Variants in GMDS observed in about 807,000 individuals in gnomAD.
GMDS encodes the protein GDP-mannose 4,6-dehydratase, also known as GDP-mannose 4,6 dehydratase.
Under a neutral mutation model 49.9 loss-of-function variants are expected in GMDS, and 20 were observed. The observed-to-expected ratio is 0.40, with a 90% CI of 0.28 to 0.58. The LOEUF (loss-of-function observed/expected upper bound fraction) is 0.58, where lower values mean the gene tolerates loss of function less well. Among genes scored for constraint, GMDS ranks in the 20% least tolerant of loss-of-function variants. The pLI, the probability that GMDS is intolerant of heterozygous loss-of-function variation, is 0.42. For synonymous variants in GMDS, 177 were observed against 178.6 expected (o/e 0.99, Z 0.07); for missense variants, 362 against 481.4 (o/e 0.75, Z 2.32).
chr6:1,999,974 ATATATATTTTATATATAT>A (rs1766613920), intron 4 of GMDS, among the ~76,000 whole-genome samples: 2 of 27,890 alleles, frequency 7.2e-5, no homozygotes, highest in Non-Finnish European at 1.3e-4. Flanking sequence ...TATATATTAT[ATATATATTTTATATATAT>A]ATATTATATA....
At chr6:2,172,458 C>T (rs1408701572) in intron 1 of GMDS, among the ~76,000 whole-genome samples, 5 of 152,012 alleles carry the variant, frequency 3.3e-5, no homozygotes, top group Admixed American at 6.6e-5. Flanking sequence ...TTTGGGAGGC[C>T]GAGGCAGGTG....
chr6:2,102,399 T>TA (rs34199576), intron 4 of GMDS, among the ~76,000 whole-genome samples: 4 of 152,158 alleles, frequency 2.6e-5, no homozygotes, highest in Admixed American at 2.6e-4. Flanking sequence ...TGCTGGTTTT[T>TA]AAAAAAAGTT....
chr6:2,115,998 T>C, intron 3 of GMDS, 118 bp from the exon 4 acceptor site: 1 of 670,004 alleles, frequency 1.5e-6, no homozygotes, highest in East Asian at 2.6e-5. Flanking sequence ...AAAATGGAAA[T>C]GCTGTACTGA....
chr6:2,032,634 T>G (rs982809868), intron 4 of GMDS, among the ~76,000 whole-genome samples: 21 of 152,166 alleles, frequency 1.4e-4, no homozygotes, highest in Non-Finnish European at 1.5e-5. Context: ...AACAAAGATG[T>G]CGGCCCTTAG....
chr6:2,070,220 A>G (rs1007934194), intron 4 of GMDS, among the ~76,000 whole-genome samples: 1 of 146,072 alleles, frequency 6.8e-6, no homozygotes, highest in African/African-American at 2.5e-5. Flanking sequence ...TTGAACAATG[A>G]GAACACATGG....
chr6:1,748,282 T>C (rs1400738771), intron 7 of GMDS, among the ~76,000 whole-genome samples: 2 of 152,194 alleles, frequency 1.3e-5, no homozygotes, highest in African/African-American at 4.8e-5. Flanking sequence ...ATTTATTTCT[T>C]CTATTTATCT....
At chr6:1,994,199 T>G (rs1355500429) in intron 4 of GMDS, among the ~76,000 whole-genome samples, 1 of 152,240 alleles carries the variant, frequency 6.6e-6, no homozygotes, top group Non-Finnish European at 1.5e-5. Context: ...ATTTTCTTGT[T>G]CTTTTTATGC....
chr6:1,675,546 C>T (rs1581443538), intron 9 of GMDS, among the ~76,000 whole-genome samples: 2 of 152,092 alleles, frequency 1.3e-5, no homozygotes, highest in East Asian at 3.9e-4. Context: ...CATCTAGTTT[C>T]TCACCATCAA....
chr6:1,625,866 G>A (rs1341429422), intron 9 of GMDS, among the ~76,000 whole-genome samples: 1 of 152,182 alleles, frequency 6.6e-6, no homozygotes, highest in African/African-American at 2.4e-5. Context: ...CGCAAAGGCC[G>A]TACGAAAATA....
At chr6:1,696,668 CA>C (rs1040758601) in intron 9 of GMDS, among the ~76,000 whole-genome samples, 27 of 152,194 alleles carry the variant, frequency 1.8e-4, no homozygotes, top group African/African-American at 6.0e-4. Context: ...AAGTGAGGCT[CA>C]GAGGGGTTAA....
intron 4 of GMDS, among the ~76,000 whole-genome samples, chr6:1,977,594 A>G (rs1764980521): frequency 6.6e-6 from 1 of 152,168 alleles, no homozygotes; most frequent in Non-Finnish European, 1.5e-5. Flanking sequence ...GACTAGGAAA[A>G]CAACTCAACC....
intron 9 of GMDS, among the ~76,000 whole-genome samples, chr6:1,703,619 C>T (rs1765619852): frequency 6.6e-6 from 1 of 152,256 alleles, no homozygotes. Flanking sequence ...GGCCACTGTG[C>T]CTGGATGCGC....
chr6:1,924,549 T>C (rs1761896115), intron 7 of GMDS, among the ~76,000 whole-genome samples: 1 of 152,204 alleles, frequency 6.6e-6, no homozygotes, highest in African/African-American at 2.4e-5. Flanking sequence ...ATTTAGCTTA[T>C]CAGTCAATAT....
chr6:2,127,164 C>T (rs1158313938), intron 1 of GMDS, among the ~76,000 whole-genome samples: 2 of 152,058 alleles, frequency 1.3e-5, no homozygotes. Context: ...TACACAACCA[C>T]TGAAAATGTT....
intron 4 of GMDS, among the ~76,000 whole-genome samples, chr6:2,091,722 C>T (rs1289379145): frequency 6.6e-6 from 1 of 152,052 alleles, no homozygotes; most frequent in Non-Finnish European, 1.5e-5. Flanking sequence ...CCAGCCTGGA[C>T]ATCTCTGCAA....
intron 1 of GMDS, chr6:2,175,908 T>A: frequency 3.4e-6 from 4 of 1,190,098 alleles, no homozygotes; most frequent in Non-Finnish European, 4.8e-6. Flanking sequence ...AGCCCCATTT[T>A]ATAAGGTAAT....
chr6:1,908,664 A>T (rs1416754762), intron 7 of GMDS, among the ~76,000 whole-genome samples: 2 of 152,144 alleles, frequency 1.3e-5, no homozygotes, highest in Non-Finnish European at 2.9e-5. Flanking sequence ...TCAGACACAC[A>T]CATGGCACCA....
At chr6:1,788,863 T>G (rs567329359) in intron 7 of GMDS, among the ~76,000 whole-genome samples, 1 of 152,328 alleles carries the variant, frequency 6.6e-6, no homozygotes, top group South Asian at 2.1e-4. Context: ...TGCAAAGCAA[T>G]TCTGCTGCTA....
chr6:2,234,330 C>T (rs1781251613), intron 1 of GMDS, among the ~76,000 whole-genome samples: 2 of 152,108 alleles, frequency 1.3e-5, no homozygotes, highest in African/African-American at 4.8e-5. Flanking sequence ...TCAATGATAA[C>T]ATCAAAATTC....
Sources: allele counts gnomAD v4.1 joint callset (sites outside exome capture counted in the v4.1 genomes callset), GRCh38; gene constraint gnomAD v4.1.1; transcripts MANE v1.5; gene names NCBI Gene and HGNC (gene_info 2026-07-23, HGNC 2026-07-21).